Variants in PCCA observed in about 807,000 individuals in gnomAD.
PCCA encodes propionyl-CoA carboxylase alpha chain, mitochondrial.
In PCCA, 74 loss-of-function variants were observed where a neutral mutation model predicts 101.3. The ratio of observed to expected loss-of-function variants is 0.73; its 90% confidence interval spans 0.61 to 0.89. The LOEUF (loss-of-function observed/expected upper bound fraction) is 0.89, where lower values mean the gene tolerates loss of function less well. PCCA is among the 40% of genes least tolerant of loss of function. The probability of loss-of-function intolerance (pLI) is 0.00; values close to 1 mark genes in which losing one functional copy is unlikely to be tolerated. For synonymous variants in PCCA, 294 were observed against 313.6 expected (o/e 0.94, Z 0.66); for missense variants, 891 against 907.0 (o/e 0.98, Z 0.23).
intron 20 of PCCA, among the ~76,000 whole-genome samples, chr13:100,430,558 G>C (rs143690992): frequency 2.6e-5 from 4 of 152,114 alleles, no homozygotes; most frequent in South Asian, 4.2e-4. Context: ...CCATGTTGCT[G>C]CCTATAGCTG....
At chr13:100,421,746 G>A (rs1022390081) in intron 19 of PCCA, among the ~76,000 whole-genome samples, 18 of 151,702 alleles carry the variant, frequency 1.2e-4, no homozygotes, top group African/African-American at 3.6e-4. Flanking sequence ...GTGTGGTGGC[G>A]CGATCTCAGC....
chr13:100,462,472 C>G (rs1171965181), intron 21 of PCCA, among the ~76,000 whole-genome samples: 1 of 152,158 alleles, frequency 6.6e-6, no homozygotes, highest in Non-Finnish European at 1.5e-5. Context: ...TGATACCATG[C>G]AAACATGGTA....
chr13:100,515,079 G>C (rs1044851184), intron 21 of PCCA, among the ~76,000 whole-genome samples: 1 of 152,192 alleles, frequency 6.6e-6, no homozygotes. Context: ...CAGCTCATGG[G>C]ATTTTCCTTG....
At chr13:100,252,074 A>G (rs1023174884) in intron 8 of PCCA, among the ~76,000 whole-genome samples, 9 of 152,170 alleles carry the variant, frequency 5.9e-5, no homozygotes, top group African/African-American at 2.2e-4. Context: ...AATGCGTACT[A>G]TCTATGTAAT....
At chr13:100,184,511 G>A (rs1374523641) in intron 6 of PCCA, among the ~76,000 whole-genome samples, 3 of 152,116 alleles carry the variant, frequency 2.0e-5, no homozygotes, top group African/African-American at 7.2e-5. Context: ...GACTGGAATC[G>A]TACGCCCTTT....
rs1594556981 is a variant in PCCA, at chr13:100,177,970, A to G, written c.468+20630A>G. Reference sequence around the variant, plus strand: ...CTCTTTTCCCTGTTATAACAGTTCTATGTAGTAGTAGAGGTAGAATTCTGA... The same window carrying G: ...CTCTTTTCCCTGTTATAACAGTTCTGTGTAGTAGTAGAGGTAGAATTCTGA... On this transcript the variant is annotated intron_variant, in intron 6 of 23. Transcript: ENST00000376285. Among the ~76,000 whole-genome samples the G allele has an allele frequency of 2.0e-5, 3 of 152,096 alleles. No individual in the cohort carries two copies. In the East Asian group the frequency reaches 5.8e-4, roughly 29 times the overall value.
chr13:100,348,385 G>A (rs951706458), intron 18 of PCCA, among the ~76,000 whole-genome samples: 2 of 152,204 alleles, frequency 1.3e-5, no homozygotes, highest in African/African-American at 2.4e-5. Flanking sequence ...GCCATTTTTT[G>A]GGGGATGACT....
At chr13:100,163,058 A>T (rs1223254699) in intron 6 of PCCA, among the ~76,000 whole-genome samples, 1 of 152,184 alleles carries the variant, frequency 6.6e-6, no homozygotes, top group Non-Finnish European at 1.5e-5. Flanking sequence ...GGAATACTAA[A>T]TGCTCTAAAG....
intron 7 of PCCA, 100 bp downstream of exon 7, chr13:100,209,563 C>T (rs2059079905): frequency 4.9e-6 from 4 of 811,394 alleles, no homozygotes; most frequent in Non-Finnish European, 6.4e-6. Flanking sequence ...GGGATATACA[C>T]ACACACACAC....
intron 6 of PCCA, among the ~76,000 whole-genome samples, chr13:100,170,689 AAAT>A (rs1335314126): frequency 4.6e-5 from 7 of 152,238 alleles, no homozygotes; most frequent in Admixed American, 2.6e-4. Context: ...GTGCAGATAA[AAAT>A]AATGTGTTGT....
chr13:100,445,878 G>A (rs2080791294), intron 20 of PCCA, among the ~76,000 whole-genome samples: 1 of 152,138 alleles, frequency 6.6e-6, no homozygotes, highest in African/African-American at 2.4e-5. Flanking sequence ...AGAAACATGG[G>A]GATGCCAGTA....
chr13:100,169,946 C>T (rs2055467250), intron 6 of PCCA, among the ~76,000 whole-genome samples: 1 of 152,138 alleles, frequency 6.6e-6, no homozygotes, highest in Non-Finnish European at 1.5e-5. Context: ...GTGATCCTCC[C>T]ACCTCAGCCT....
chr13:100,396,935 A>G (rs1044167662), intron 19 of PCCA, among the ~76,000 whole-genome samples: 4 of 152,096 alleles, frequency 2.6e-5, no homozygotes, highest in Non-Finnish European at 5.9e-5. Flanking sequence ...AAAAGCCCAT[A>G]TAAACCTGCA....
chr13:100,497,168 A>G (rs748711639), intron 21 of PCCA, among the ~76,000 whole-genome samples: 2 of 152,222 alleles, frequency 1.3e-5, no homozygotes, highest in African/African-American at 2.4e-5. Flanking sequence ...TAGTCAAAGA[A>G]GTTTCATCAC....
intron 16 of PCCA, among the ~76,000 whole-genome samples, chr13:100,326,514 T>C (rs1189105074): frequency 6.6e-6 from 1 of 152,154 alleles, no homozygotes; most frequent in East Asian, 1.9e-4. Flanking sequence ...ATTGAAATCA[T>C]ATAGAAACAT....
Position 100,235,870 on chromosome 13 carries a change from G to C in PCCA, c.629G>C (p.Arg210Thr). 6.2e-7 allele frequency: 1 copy of C among 1,602,896 alleles called. No homozygotes were observed. Among genetic ancestry groups the C allele is most frequent in the Non-Finnish European group, 8.5e-7 (1 of 1,169,880 alleles). Reference protein sequence around the residue: ...KDAEEAVRIAREIGYPVMIKA... With the variant: ...KDAEEAVRIATEIGYPVMIKA... ...GCAGAAGAAGCTGTCAGAATTGCAA[G>C]GGAAATTGGTAAGTCCTTAAATTAA... Residue 210 changes from arginine to threonine, a missense_variant, in exon 8 of 24, where the codon AGG becomes ACG. Coordinates refer to ENST00000376285, the MANE Select transcript of PCCA (RefSeq NM_000282.4).
chr13:100,345,416 TGAA>T (rs145975707), intron 18 of PCCA, among the ~76,000 whole-genome samples: 7,561 of 152,266 alleles, frequency 0.05, 226 homozygotes, highest in Middle Eastern at 0.11. Context: ...TTCACTTAAG[TGAA>T]AGCCTAATCT....
At chr13:100,142,843 TC>T (rs2052052653) in intron 4 of PCCA, among the ~76,000 whole-genome samples, 1 of 152,218 alleles carries the variant, frequency 6.6e-6, no homozygotes, top group Non-Finnish European at 1.5e-5. Flanking sequence ...CTTGCTGACA[TC>T]ATGCTTGGGT....
At chr13:100,217,358 C>T (rs543125199) in intron 7 of PCCA, among the ~76,000 whole-genome samples, 11 of 151,006 alleles carry the variant, frequency 7.3e-5, no homozygotes, top group East Asian at 4.0e-4. Flanking sequence ...GTAGGAGAAT[C>T]GCTGGACCAC....
Sources: gnomAD v4.1 joint callset for allele counts (sites outside exome capture counted in the v4.1 genomes callset) on GRCh38, gnomAD v4.1.1 for gene constraint, MANE v1.5 for transcripts, NCBI Gene and HGNC (gene_info 2026-07-23, HGNC 2026-07-21) for gene names.